The following LCOR variants were observed in gnomAD, a reference collection of about 807,000 sequenced individuals.
The protein encoded by LCOR is ligand dependent nuclear receptor corepressor, also known as ligand-dependent corepressor.
In LCOR, 14 loss-of-function variants were observed where a neutral mutation model predicts 64.4. The ratio of observed to expected loss-of-function variants is 0.22; its 90% confidence interval spans 0.14 to 0.34. LCOR has a LOEUF of 0.34. LCOR is among the 10% of genes least tolerant of loss of function. LCOR has a pLI of 1.00. For synonymous variants in LCOR, 643 were observed against 642.5 expected (o/e 1.00, Z -0.01); for missense variants, 1,686 against 1,765.3 (o/e 0.96, Z 0.80).
In LCOR at chr10:96,988,405, CCTG is replaced by C. The variant is rs1848167326; in HGVS notation, c.*3275_*3277del. 6.6e-6 allele frequency: 1 copy of C among 152,222 alleles called. No homozygotes were observed. Among genetic ancestry groups the C allele is most frequent in the African/African-American group, 2.4e-5 (1 of 41,448 alleles). The allele number at this position is 152,222 out of a possible 1,614,324, so 9.4% of individuals were successfully genotyped here. On this transcript the variant is annotated 3_prime_UTR_variant, in exon 8 of 8. Coordinates refer to ENST00000421806, the MANE Select transcript of LCOR (RefSeq NM_001346516.2). ...AATGATAATCTTAGGCTGTGAGTCT[CCTG>C]CTGTATTGTTCCTAAAATCGTATGG... is the stretch of plus-strand genomic sequence containing the variant.
At chr10:96,881,602 G>T (rs1846263659) in intron 2 of LCOR, among the ~76,000 whole-genome samples, 1 of 151,880 alleles carries the variant, frequency 6.6e-6, no homozygotes, top group African/African-American at 2.4e-5. Context: ...GATTACAGGT[G>T]CCCGCCACCA....
In LCOR at chr10:96,838,132, A is replaced by G. The variant is rs1209613096; in HGVS notation, c.-330+4653A>G. ...AGCTCATTTTATTGACCATTCTTGT[A>G]TTCAGCAAGTATCCCAAGTACAGTG... is the stretch of plus-strand genomic sequence containing the variant. On this transcript the variant is annotated intron_variant, in intron 2 of 7. Coordinates refer to ENST00000421806, the MANE Select transcript of LCOR (RefSeq NM_001346516.2). Among the ~76,000 whole-genome samples, 4 of 152,278 alleles carry G rather than the reference A, an allele frequency of 2.6e-5. No individual in the cohort carries two copies. In the East Asian group the frequency reaches 7.7e-4, roughly 29 times the overall value.
At position 96,985,052 on chromosome 10, in the gene LCOR, G is replaced by T. The variant is rs762576871; in HGVS notation, c.4592G>T (p.Ser1531Ile). The T allele has an allele frequency of 2.5e-6, 4 of 1,614,202 alleles. No individual in the cohort carries two copies. The highest frequency in any genetic ancestry group is 3.4e-6 in the Non-Finnish European group (4 of 1,180,028). ...AGACCCTCAACGAAAACCCCAGAGA[G>T]CAGTGCAGCTCAGAGAAAGCGAAAG... Reference protein sequence around the residue: ...RARPSTKTPESSAAQRKRKLK... With the variant: ...RARPSTKTPEISAAQRKRKLK... Residue 1531 changes from serine (S) to isoleucine (I), a missense_variant, in exon 8 of 8, where the codon AGC becomes ATC. Ser to Ile is a moderately radical substitution (Grantham distance 142). Transcript: ENST00000421806.
At chr10:96,881,613 C>T (rs765983277) in intron 2 of LCOR, among the ~76,000 whole-genome samples, 5 of 152,020 alleles carry the variant, frequency 3.3e-5, no homozygotes, top group African/African-American at 7.2e-5. Context: ...CCCGCCACCA[C>T]GCCCGGCTAT....
At chr10:96,948,123 A>G (rs933695842) in intron 5 of LCOR, among the ~76,000 whole-genome samples, 14 of 152,230 alleles carry the variant, frequency 9.2e-5, no homozygotes, top group African/African-American at 2.9e-4. Context: ...TGCCTTTCAA[A>G]GTCTCTTCCA....
chr10:96,882,030 C>T (rs1846271118), intron 2 of LCOR, among the ~76,000 whole-genome samples: 1 of 152,172 alleles, frequency 6.6e-6, no homozygotes, highest in South Asian at 2.1e-4. Context: ...ATAAGCAGCT[C>T]TCAGACTTGT....
intron 6 of LCOR, among the ~76,000 whole-genome samples, chr10:96,950,516 C>A (rs2134524910): frequency 6.6e-6 from 1 of 152,124 alleles, no homozygotes; most frequent in East Asian, 1.9e-4. Context: ...AGGAGAATGA[C>A]AACATAGAAT....
intron 4 of LCOR, among the ~76,000 whole-genome samples, chr10:96,923,538 AAG>A (rs1847116681): frequency 6.6e-6 from 1 of 152,198 alleles, no homozygotes; most frequent in Non-Finnish European, 1.5e-5. Flanking sequence ...AACACTATGT[AAG>A]TAAGCATCCT....
At chr10:96,877,707 G>T (rs1846193069) in intron 2 of LCOR, among the ~76,000 whole-genome samples, 1 of 138,764 alleles carries the variant, frequency 7.2e-6, no homozygotes, top group African/African-American at 2.7e-5. Flanking sequence ...AGCCTCCCGG[G>T]TTCACGCCAT....
chr10:96,965,499 A>T (rs981865999), intron 7 of LCOR, among the ~76,000 whole-genome samples: 1 of 150,504 alleles, frequency 6.6e-6, no homozygotes, highest in Non-Finnish European at 1.5e-5. Context: ...CGTCTCTACT[A>T]AAAATACAAA....
At position 96,833,207 on chromosome 10, in the gene LCOR, G is replaced by A; in HGVS notation, c.-403-199G>A. On this transcript the variant is annotated intron_variant, in intron 1 of 7. Transcript: ENST00000421806. ...AGGAGCCCCGGCGGGGGTCGCTCTC[G>A]TCCCCTCCCGGGGATTGGCCGGAGC... 3 of 984,012 alleles carry A rather than the reference G, an allele frequency of 3.0e-6. No individual in the cohort carries two copies. The South Asian group carries it at 1.4e-4, about 46-fold the overall frequency. 61.0% of individuals were successfully genotyped at this position (984,012 alleles called of 1,614,324 possible).
chr10:96,835,767 TTAG>T (rs1845431780), intron 2 of LCOR, among the ~76,000 whole-genome samples: 1 of 152,204 alleles, frequency 6.6e-6, no homozygotes, highest in African/African-American at 2.4e-5. Context: ...CTCCCTTCTA[TTAG>T]TACTTTTTTG....
intron 2 of LCOR, among the ~76,000 whole-genome samples, chr10:96,860,618 A>C (rs1845873033): frequency 6.6e-6 from 1 of 152,196 alleles, no homozygotes; most frequent in Non-Finnish European, 1.5e-5. Flanking sequence ...GCTAATACAG[A>C]CTATATTTGG....
At chr10:96,909,016 T>C (rs972811329) in intron 4 of LCOR, among the ~76,000 whole-genome samples, 6 of 152,150 alleles carry the variant, frequency 3.9e-5, no homozygotes, top group Non-Finnish European at 7.4e-5. Flanking sequence ...CGCCCGGCCT[T>C]CTTCTGTCCT....
In LCOR at chr10:96,970,126, G is replaced by A. The variant is rs574304263; in HGVS notation, c.333-10667G>A. Among the ~76,000 whole-genome samples the A allele has an allele frequency of 5.8e-3, 871 of 151,370 alleles. 4 individuals are homozygous for A. The highest frequency in any genetic ancestry group is 9.2e-3 in the Non-Finnish European group (621 of 67,758). ...ATTAAATTGACTTGAGGCTGGGTGC[G>A]GTGGGTCACGCCTGTAATCCCAGCA... On this transcript the variant is annotated intron_variant, in intron 7 of 7. Coordinates refer to ENST00000421806, the MANE Select transcript of LCOR (RefSeq NM_001346516.2).
chr10:96,911,698 A>G (rs575424608), intron 4 of LCOR, among the ~76,000 whole-genome samples: 1 of 152,146 alleles, frequency 6.6e-6, no homozygotes, highest in African/African-American at 2.4e-5. Context: ...TATGTTAGGA[A>G]TCTGTGAGTG....
rs1848163962 is a variant in LCOR, at chr10:96,988,082, C to T, written c.*2948C>T. The stretch of plus-strand genomic sequence containing the variant: ...AGCTGGAAGATGCCTGGGAAGCAAT[C>T]ACTGAAGCTCTGCCATAGCTCCCGT... On this transcript the variant is annotated 3_prime_UTR_variant, in exon 8 of 8. Coordinates refer to ENST00000421806, the MANE Select transcript of LCOR (RefSeq NM_001346516.2). The T allele has an allele frequency of 6.6e-6, 1 of 152,234 alleles. No individual in the cohort carries two copies. The highest frequency in any genetic ancestry group is 6.5e-5 in the Admixed American group (1 of 15,288). 9.4% of individuals were successfully genotyped at this position (152,234 alleles called of 1,614,324 possible).
At chr10:96,866,814 G>T (rs1042741999) in intron 2 of LCOR, among the ~76,000 whole-genome samples, 3 of 152,110 alleles carry the variant, frequency 2.0e-5, no homozygotes, top group African/African-American at 4.8e-5. Flanking sequence ...GACCTCAGGT[G>T]ATCTGCCTGC....
chr10:96,922,373 A>G lies in LCOR; in HGVS notation c.-184+14626A>G, dbSNP rs1015527537. On this transcript the variant is annotated intron_variant, in intron 4 of 7. Transcript: ENST00000421806. ...AGGAATTTACAGTCTGTTGGAGGAGATTAAAAATAGAAGTAAATACACAAG... is the reference window on the plus strand; with the variant it reads ...AGGAATTTACAGTCTGTTGGAGGAGGTTAAAAATAGAAGTAAATACACAAG... Among the ~76,000 whole-genome samples, 6 of 152,270 alleles carry G rather than the reference A, an allele frequency of 3.9e-5. No individual in the cohort carries two copies. The South Asian group carries it at 1.0e-3, about 26-fold the overall frequency.
Sources: gnomAD v4.1 joint callset for allele counts (sites outside exome capture counted in the v4.1 genomes callset) on GRCh38, gnomAD v4.1.1 for gene constraint, MANE v1.5 for transcripts, NCBI Gene and HGNC (gene_info 2026-07-23, HGNC 2026-07-21) for gene names.